SUPT3H: variants seen among roughly 807,000 people sequenced by gnomAD.
The protein encoded by SUPT3H is transcription initiation protein SPT3 homolog.
SUPT3H carries 44 observed loss-of-function variants against 44.3 expected under a neutral mutation model. The observed-to-expected ratio is 0.99, with a 90% CI of 0.78 to 1.28. The LOEUF (loss-of-function observed/expected upper bound fraction) is 1.28. SUPT3H is among the 50% of genes most tolerant of loss of function. The pLI is 0.00. For missense variants in SUPT3H, 380 were observed against 387.1 expected (o/e 0.98, Z 0.15); for synonymous variants, 124 against 125.6 (o/e 0.99, Z 0.09).
intron 10 of SUPT3H, among the ~76,000 whole-genome samples, chr6:44,926,489 AAATT>A (rs2153458834): frequency 6.6e-6 from 1 of 152,262 alleles, no homozygotes; most frequent in African/African-American, 2.4e-5. Context: ...TTAATTACAA[AAATT>A]TATTCACATA....
chr6:45,055,971 T>C (rs1791053070), intron 3 of SUPT3H, among the ~76,000 whole-genome samples: 1 of 151,444 alleles, frequency 6.6e-6, no homozygotes, highest in East Asian at 1.9e-4. Flanking sequence ...CTCAAACAAA[T>C]CAGCAAGAAA....
intron 10 of SUPT3H, among the ~76,000 whole-genome samples, chr6:44,834,195 T>C (rs1296653552): frequency 6.6e-6 from 1 of 152,150 alleles, no homozygotes; most frequent in Non-Finnish European, 1.5e-5. Flanking sequence ...AGGAGATCAT[T>C]AACAGGACCC....
At chr6:45,264,010 GA>G (rs1432557509) in intron 2 of SUPT3H, among the ~76,000 whole-genome samples, 1 of 151,916 alleles carries the variant, frequency 6.6e-6, no homozygotes, top group African/African-American at 2.4e-5. Flanking sequence ...AAAATTGAAA[GA>G]AAACCAGATC....
At chr6:45,332,388 GA>G (rs1787692147) in intron 2 of SUPT3H, among the ~76,000 whole-genome samples, 1 of 151,562 alleles carries the variant, frequency 6.6e-6, no homozygotes, top group Non-Finnish European at 1.5e-5. Flanking sequence ...AGTATTCATA[GA>G]AAAAAATCCA....
chr6:45,058,118 T>G (rs1161000045), intron 3 of SUPT3H, among the ~76,000 whole-genome samples: 1 of 152,106 alleles, frequency 6.6e-6, no homozygotes, highest in Non-Finnish European at 1.5e-5. Context: ...GTGGATTATT[T>G]TGATAGAAAA....
At chr6:44,851,957 A>T (rs1171145209) in intron 10 of SUPT3H, among the ~76,000 whole-genome samples, 1 of 151,974 alleles carries the variant, frequency 6.6e-6, no homozygotes, top group East Asian at 1.9e-4. Flanking sequence ...ACAAAGATTG[A>T]CTCCTTATTT....
chr6:44,929,270 C>T (rs1770149817), intron 10 of SUPT3H, among the ~76,000 whole-genome samples: 1 of 152,066 alleles, frequency 6.6e-6, no homozygotes, highest in South Asian at 2.1e-4. Flanking sequence ...TTTCAGAAGT[C>T]ATAAAGTAGA....
chr6:44,885,997 A>T (rs1762214151), intron 10 of SUPT3H, among the ~76,000 whole-genome samples: 1 of 152,254 alleles, frequency 6.6e-6, no homozygotes, highest in Non-Finnish European at 1.5e-5. Flanking sequence ...GATTAGATCA[A>T]CTGGAAGAAA....
chr6:45,295,444 G>A (rs1048702433), intron 2 of SUPT3H, among the ~76,000 whole-genome samples: 24 of 140,230 alleles, frequency 1.7e-4, no homozygotes, highest in African/African-American at 5.0e-4. Flanking sequence ...AGGATTTCAT[G>A]ACCAATAACC....
chr6:45,333,412 T>C (rs1044221870), intron 2 of SUPT3H, among the ~76,000 whole-genome samples: 12 of 151,698 alleles, frequency 7.9e-5, no homozygotes, highest in African/African-American at 2.9e-4. Flanking sequence ...GCTCTTTTAC[T>C]GTATACAGTA....
At chr6:44,960,497 A>G (rs1775873358) in intron 7 of SUPT3H, among the ~76,000 whole-genome samples, 1 of 151,984 alleles carries the variant, frequency 6.6e-6, no homozygotes, top group South Asian at 2.1e-4. Context: ...GTAACTGAAA[A>G]TCTGATTTTC....
At chr6:44,984,421 G>A (rs1315598731) in intron 6 of SUPT3H, among the ~76,000 whole-genome samples, 1 of 152,164 alleles carries the variant, frequency 6.6e-6, no homozygotes, top group African/African-American at 2.4e-5. Context: ...TGGTGTCTGA[G>A]TTGTAGTTCT....
At chr6:45,149,816 C>T (rs939161410) in intron 2 of SUPT3H, among the ~76,000 whole-genome samples, 1 of 152,116 alleles carries the variant, frequency 6.6e-6, no homozygotes. Flanking sequence ...AAAATATTAG[C>T]ATATCTAAGT....
intron 10 of SUPT3H, among the ~76,000 whole-genome samples, chr6:44,855,298 T>C (rs1773543029): frequency 1.3e-5 from 2 of 152,284 alleles, no homozygotes. Flanking sequence ...ATGCTTCTAC[T>C]GAAGCAGCAG....
chr6:44,919,079 A>G (rs892572848), intron 10 of SUPT3H, among the ~76,000 whole-genome samples: 73 of 152,184 alleles, frequency 4.8e-4, no homozygotes, highest in Non-Finnish European at 6.0e-4. Context: ...AAATTGTACA[A>G]AAAGTGCTAA....
intron 6 of SUPT3H, among the ~76,000 whole-genome samples, chr6:44,995,934 C>T (rs1411651334): frequency 6.6e-6 from 1 of 151,910 alleles, no homozygotes; most frequent in African/African-American, 2.4e-5. Context: ...GTATATTTCT[C>T]CTTGCAGCCT....
chr6:45,111,029 G>A (rs1438019136), intron 2 of SUPT3H, among the ~76,000 whole-genome samples: 2 of 137,708 alleles, frequency 1.5e-5, no homozygotes, highest in African/African-American at 2.7e-5. Context: ...TAAAACAAAC[G>A]ATACTTTTTT....
intron 3 of SUPT3H, among the ~76,000 whole-genome samples, chr6:45,042,403 AC>A (rs1209784358): frequency 6.6e-6 from 1 of 152,246 alleles, no homozygotes; most frequent in African/African-American, 2.4e-5. Flanking sequence ...AGCCTGAGGC[AC>A]AAGAGGGAGA....
In SUPT3H at chr6:44,827,260, A is replaced by G. The variant is rs1767862230; in HGVS notation, c.*2556T>C. ...CCACAGTCACACTGAAGATTTTACTATATAACACGTATGCTTTAGGATGTA... is the reference window on the plus strand; with the variant it reads ...CCACAGTCACACTGAAGATTTTACTGTATAACACGTATGCTTTAGGATGTA... On this transcript the variant is annotated 3_prime_UTR_variant, in exon 11 of 11. Coordinates refer to ENST00000371459, the MANE Select transcript of SUPT3H (RefSeq NM_003599.4). Among the ~76,000 whole-genome samples the G allele has an allele frequency of 6.6e-6, 1 of 152,198 alleles. No individual in the cohort carries two copies. Among genetic ancestry groups the G allele is most frequent in the Non-Finnish European group, 1.5e-5 (1 of 68,008 alleles).
Sources: allele counts gnomAD v4.1 joint callset (sites outside exome capture counted in the v4.1 genomes callset), GRCh38; gene constraint gnomAD v4.1.1; transcripts MANE v1.5; gene names NCBI Gene and HGNC (gene_info 2026-07-23, HGNC 2026-07-21).